The following TAFA1 variants were observed in gnomAD, a reference collection of about 807,000 sequenced individuals.
The protein encoded by TAFA1 is TAFA chemokine like family member 1.
In TAFA1, 4 loss-of-function variants were observed where a neutral mutation model predicts 18.5. That is an observed-to-expected ratio of 0.22 (90% CI 0.11 to 0.49). The LOEUF is 0.49. TAFA1 is among the 20% of genes least tolerant of loss of function. TAFA1 has a pLI of 0.98. For missense variants in TAFA1, 147 were observed against 169.0 expected (o/e 0.87, Z 0.72); for synonymous variants, 56 against 55.2 (o/e 1.01, Z -0.06).
intron 2 of TAFA1, among the ~76,000 whole-genome samples, chr3:68,113,615 C>A (rs576135309): frequency 2.0e-5 from 3 of 152,010 alleles, no homozygotes; most frequent in African/African-American, 7.3e-5. Context: ...AAGGTTCTCA[C>A]GGCATGGAAG....
intron 3 of TAFA1, among the ~76,000 whole-genome samples, chr3:68,522,112 A>T (rs1307716712): frequency 1.3e-5 from 2 of 151,956 alleles, no homozygotes; most frequent in Non-Finnish European, 2.9e-5. Flanking sequence ...TTCCCAAAGT[A>T]CTTGGATTCC....
At chr3:68,454,722 A>G (rs115481483) in intron 3 of TAFA1, among the ~76,000 whole-genome samples, 1,527 of 152,236 alleles carry the variant, frequency 0.01, 34 homozygotes, top group African/African-American at 0.035. Flanking sequence ...TTATTCTTCT[A>G]TTCTTCATTA....
chr3:68,166,426 C>T (rs949530495), intron 2 of TAFA1, among the ~76,000 whole-genome samples: 1 of 152,110 alleles, frequency 6.6e-6, no homozygotes, highest in African/African-American at 2.4e-5. Flanking sequence ...AGACTAGTCC[C>T]TTACAATGAG....
chr3:68,039,532 CTTA>C (rs1193005074), intron 2 of TAFA1, among the ~76,000 whole-genome samples: 2 of 152,024 alleles, frequency 1.3e-5, no homozygotes, highest in East Asian at 3.8e-4. Context: ...TGATGTCATT[CTTA>C]TTATTCTGCA....
At chr3:68,266,514 A>C (rs1247019123) in intron 2 of TAFA1, among the ~76,000 whole-genome samples, 1 of 152,180 alleles carries the variant, frequency 6.6e-6, no homozygotes, top group Non-Finnish European at 1.5e-5. Flanking sequence ...TCACAAACAG[A>C]AACTCGTTTG....
At chr3:68,032,164 T>C (rs1271985176) in intron 2 of TAFA1, among the ~76,000 whole-genome samples, 2 of 152,194 alleles carry the variant, frequency 1.3e-5, no homozygotes, top group Non-Finnish European at 2.9e-5. Flanking sequence ...TTATCTGGTC[T>C]ATATGAGATT....
chr3:68,144,884 C>T, intron 2 of TAFA1: 1 of 655,114 alleles, frequency 1.5e-6, no homozygotes, highest in Non-Finnish European at 2.8e-6. Flanking sequence ...CATTCCATTT[C>T]CTCATCAAAA....
chr3:68,024,281 T>G (rs1342625158), intron 2 of TAFA1, among the ~76,000 whole-genome samples: 1 of 152,074 alleles, frequency 6.6e-6, no homozygotes, highest in East Asian at 1.9e-4. Context: ...CTTGTAAGGG[T>G]GGATGCTGGC....
At chr3:68,291,562 A>G (rs1293288399) in intron 2 of TAFA1, among the ~76,000 whole-genome samples, 1 of 152,066 alleles carries the variant, frequency 6.6e-6, no homozygotes, top group East Asian at 1.9e-4. Context: ...ACTCTTAACT[A>G]CTCTACATAC....
At chr3:68,210,235 G>A (rs2066579308) in intron 2 of TAFA1, among the ~76,000 whole-genome samples, 2 of 151,978 alleles carry the variant, frequency 1.3e-5, no homozygotes, top group Non-Finnish European at 2.9e-5. Flanking sequence ...CATAAATATG[G>A]TGACTCAAGT....
At chr3:68,156,623 G>T (rs1442174269) in intron 2 of TAFA1, among the ~76,000 whole-genome samples, 1 of 152,024 alleles carries the variant, frequency 6.6e-6, no homozygotes, top group Non-Finnish European at 1.5e-5. Flanking sequence ...TGTTTTATCT[G>T]TATTGTATCT....
chr3:68,331,852 T>TTTTC, intron 2 of TAFA1, among the ~76,000 whole-genome samples: 1 of 133,320 alleles, frequency 7.5e-6, no homozygotes, highest in Non-Finnish European at 1.6e-5. Context: ...TAGTCTTTTC[T>TTTTC]TTTCTTTTTT....
chr3:68,182,062 G>C (rs1188663811), intron 2 of TAFA1, among the ~76,000 whole-genome samples: 1 of 152,058 alleles, frequency 6.6e-6, no homozygotes, highest in African/African-American at 2.4e-5. Flanking sequence ...AAAAACATTA[G>C]CTGGGTGTGG....
intron 2 of TAFA1, among the ~76,000 whole-genome samples, chr3:68,022,843 T>A (rs1280544817): frequency 0.031 from 23 of 754 alleles, no homozygotes; most frequent in South Asian, 0.083. Flanking sequence ...ATATATATAT[T>A]ATATATATAT....
At chr3:68,537,292 T>C (rs2073291949) in intron 3 of TAFA1, among the ~76,000 whole-genome samples, 1 of 152,168 alleles carries the variant, frequency 6.6e-6, no homozygotes, top group Non-Finnish European at 1.5e-5. Flanking sequence ...GGCATACAAA[T>C]TTATTAATGT....
chr3:68,436,259 C>T (rs1330255076), intron 3 of TAFA1, among the ~76,000 whole-genome samples: 2 of 152,010 alleles, frequency 1.3e-5, no homozygotes, highest in Non-Finnish European at 2.9e-5. Flanking sequence ...ACTCTTATGC[C>T]CTGCCCTTAG....
At chr3:68,079,758 G>A (rs2064872752) in intron 2 of TAFA1, among the ~76,000 whole-genome samples, 1 of 152,124 alleles carries the variant, frequency 6.6e-6, no homozygotes, top group African/African-American at 2.4e-5. Context: ...TGGAATAGGT[G>A]TGGTGTGGTG....
At chr3:68,544,446 C>T (rs767797861) in intron 4 of TAFA1, 40 bp from the exon 5 acceptor site, 3 of 1,607,846 alleles carry the variant, frequency 1.9e-6, no homozygotes, top group Non-Finnish European at 2.6e-6. Context: ...CTTCAGTTTG[C>T]ACTGTTCTCC....
At chr3:68,301,938 T>A (rs2068308883) in intron 2 of TAFA1, among the ~76,000 whole-genome samples, 1 of 152,230 alleles carries the variant, frequency 6.6e-6, no homozygotes, top group Non-Finnish European at 1.5e-5. Flanking sequence ...TTATTTATAT[T>A]TGTATTCGTA....
Sources: allele counts gnomAD v4.1 joint callset (sites outside exome capture counted in the v4.1 genomes callset), GRCh38; gene constraint gnomAD v4.1.1; transcripts MANE v1.5; gene names NCBI Gene and HGNC (gene_info 2026-07-23, HGNC 2026-07-21).